The following SLC35F4 variants were observed in gnomAD, a reference collection of about 807,000 sequenced individuals.
SLC35F4 encodes the protein solute carrier family 35 member F4, also known as chromosome 14 open reading frame 36.
SLC35F4 carries 24 observed loss-of-function variants against 44.2 expected under a neutral mutation model. The ratio of observed to expected loss-of-function variants is 0.54; its 90% CI spans 0.39 to 0.76. The LOEUF is 0.76. SLC35F4 is among the 30% of genes least tolerant of loss of function. SLC35F4 has a pLI of 0.00. For synonymous variants in SLC35F4, 238 were observed against 223.6 expected, an observed-to-expected ratio of 1.06 and a Z score of -0.57; for missense variants, 562 against 586.1, an observed-to-expected ratio of 0.96 and a Z score of 0.42.
At chr14:57,640,465 G>A (rs1404625165) in intron 1 of SLC35F4, among the ~76,000 whole-genome samples, 1 of 152,006 alleles carries the variant, frequency 6.6e-6, no homozygotes, top group Non-Finnish European at 1.5e-5. Flanking sequence ...CTCTTCAATT[G>A]TGACTCAAGA....
intron 4 of SLC35F4, among the ~76,000 whole-genome samples, chr14:57,577,327 A>G (rs1024812983): frequency 5.3e-5 from 8 of 152,154 alleles, no homozygotes; most frequent in Non-Finnish European, 1.2e-4. Context: ...GAAAACAGCT[A>G]TAGTTTGGGA....
chr14:57,699,269 G>T (rs2075468405), intron 1 of SLC35F4, among the ~76,000 whole-genome samples: 1 of 152,106 alleles, frequency 6.6e-6, no homozygotes. Context: ...AGGATTTGGG[G>T]ACAATATCTT....
At position 57,563,973 on chromosome 14, in the gene SLC35F4, T is replaced by C. The variant is rs2068080511; in HGVS notation, c.*162A>G. 1.4e-6 allele frequency: 1 copy of C among 718,112 alleles called. No individual in the cohort carries two copies. The highest frequency in any genetic ancestry group is 2.4e-5 in the South Asian group (1 of 42,270). 44.5% of individuals were successfully genotyped at this position (718,112 alleles called of 1,614,324 possible). ...ATCCATTATGATTATTTACACCAATTCCTTGATAAGCATATAAATGTAAAC... is the reference window on the plus strand; with the variant it reads ...ATCCATTATGATTATTTACACCAATCCCTTGATAAGCATATAAATGTAAAC... On this transcript the variant is annotated 3_prime_UTR_variant, in exon 8 of 8. Transcript: ENST00000556826.
chr14:57,664,991 C>T (rs1033179994), intron 1 of SLC35F4, among the ~76,000 whole-genome samples: 2 of 152,086 alleles, frequency 1.3e-5, no homozygotes, highest in African/African-American at 4.8e-5. Flanking sequence ...CATGTGCTCC[C>T]CATTTCTGGG....
At chr14:57,896,159 G>A (rs1309878538) in intron 1 of SLC35F4, among the ~76,000 whole-genome samples, 2 of 152,142 alleles carry the variant, frequency 1.3e-5, no homozygotes, top group East Asian at 3.9e-4. Context: ...AAAATTGGAA[G>A]ATAAGTGGAG....
At chr14:57,657,296 G>A (rs140936006) in intron 1 of SLC35F4, among the ~76,000 whole-genome samples, 1 of 152,148 alleles carries the variant, frequency 6.6e-6, no homozygotes, top group South Asian at 2.1e-4. Flanking sequence ...TCTTGTTTAG[G>A]ATGCTGTCTG....
At chr14:57,965,235 C>T (rs1488693818) in intron 1 of SLC35F4, among the ~76,000 whole-genome samples, 2 of 152,056 alleles carry the variant, frequency 1.3e-5, no homozygotes, top group Non-Finnish European at 2.9e-5. Flanking sequence ...TTGCCTTTTC[C>T]AGCAGCCAGC....
chr14:57,606,131 A>T (rs535019234), intron 1 of SLC35F4, among the ~76,000 whole-genome samples: 1 of 152,330 alleles, frequency 6.6e-6, no homozygotes, highest in Admixed American at 6.5e-5. Flanking sequence ...TGAAAAAAGA[A>T]AAGTCTATGC....
intron 1 of SLC35F4, among the ~76,000 whole-genome samples, chr14:57,709,112 C>T (rs542406576): frequency 6.6e-6 from 1 of 152,302 alleles, no homozygotes; most frequent in South Asian, 2.1e-4. Flanking sequence ...GCAGGCCCAA[C>T]TGATGGCAGG....
chr14:57,946,445 CTTTGT>C (rs200495480), intron 1 of SLC35F4, among the ~76,000 whole-genome samples: 7,845 of 116,914 alleles, frequency 0.067, 486 homozygotes, highest in African/African-American at 0.15. Context: ...AAGTATTTGT[CTTTGT>C]TTTGTTTTGT....
intron 1 of SLC35F4, among the ~76,000 whole-genome samples, chr14:57,960,922 GC>G (rs1160691287): frequency 6.6e-6 from 1 of 152,104 alleles, no homozygotes; most frequent in African/African-American, 2.4e-5. Flanking sequence ...CTGACCTGGG[GC>G]CCCTGGGGAA....
At chr14:57,945,594 T>C (rs1366819755) in intron 1 of SLC35F4, among the ~76,000 whole-genome samples, 1 of 151,982 alleles carries the variant, frequency 6.6e-6, no homozygotes, top group Non-Finnish European at 1.5e-5. Flanking sequence ...CATGTGCAAG[T>C]GTCCTTTTCA....
chr14:57,874,677 T>C (rs1888362346), intron 1 of SLC35F4, among the ~76,000 whole-genome samples: 1 of 152,164 alleles, frequency 6.6e-6, no homozygotes. Flanking sequence ...TATGTGGCTT[T>C]CTAACTGCTC....
At chr14:57,778,134 T>A (rs1277318755) in intron 1 of SLC35F4, among the ~76,000 whole-genome samples, 1 of 152,172 alleles carries the variant, frequency 6.6e-6, no homozygotes, top group African/African-American at 2.4e-5. Flanking sequence ...AGGAAATTTC[T>A]CTGCATAAGC....
intron 1 of SLC35F4, among the ~76,000 whole-genome samples, chr14:57,956,024 T>G (rs1381508570): frequency 6.6e-6 from 1 of 152,142 alleles, no homozygotes; most frequent in African/African-American, 2.4e-5. Flanking sequence ...GGCATCACAC[T>G]ACCTGACTTC....
At chr14:57,846,202 C>G (rs1886008246) in intron 1 of SLC35F4, among the ~76,000 whole-genome samples, 1 of 152,118 alleles carries the variant, frequency 6.6e-6, no homozygotes, top group African/African-American at 2.4e-5. Context: ...ATAAGGCCCC[C>G]AAAAGAAGGG....
chr14:57,761,078 A>G (rs1398347520), intron 1 of SLC35F4, among the ~76,000 whole-genome samples: 1 of 152,144 alleles, frequency 6.6e-6, no homozygotes, highest in Non-Finnish European at 1.5e-5. Context: ...GCACACAGGA[A>G]ACTCTCTCTC....
At chr14:57,891,155 C>G (rs962714800) in intron 1 of SLC35F4, among the ~76,000 whole-genome samples, 1 of 152,088 alleles carries the variant, frequency 6.6e-6, no homozygotes, top group African/African-American at 2.4e-5. Flanking sequence ...CCTGTTGGCT[C>G]CTGTAAGTAT....
At chr14:57,643,467 G>T (rs1339264921) in intron 1 of SLC35F4, among the ~76,000 whole-genome samples, 1 of 152,066 alleles carries the variant, frequency 6.6e-6, no homozygotes, top group African/African-American at 2.4e-5. Context: ...AGTAGCTTCA[G>T]TTTTGCCTGC....
Sources: gnomAD v4.1 joint callset for allele counts (sites outside exome capture counted in the v4.1 genomes callset) on GRCh38, gnomAD v4.1.1 for gene constraint, MANE v1.5 for transcripts, NCBI Gene and HGNC (gene_info 2026-07-23, HGNC 2026-07-21) for gene names.